The following ERBB4 variants were observed in gnomAD, a reference collection of about 807,000 sequenced individuals.
ERBB4 encodes the protein receptor tyrosine-protein kinase erbB-4.
A neutral mutation model predicts 158.0 loss-of-function variants in ERBB4; 42 were observed. The ratio of observed to expected loss-of-function variants is 0.27; its 90% CI spans 0.21 to 0.34. The LOEUF is 0.34. Among genes scored for constraint, ERBB4 ranks in the 10% least tolerant of loss-of-function variants. The probability of loss-of-function intolerance (pLI) is 1.00; values close to 1 mark genes in which losing one functional copy is unlikely to be tolerated. For synonymous variants in ERBB4, 583 were observed against 558.7 expected, an observed-to-expected ratio of 1.04 and a Z score of -0.61; for missense variants, 1,333 against 1,624.1, an observed-to-expected ratio of 0.82 and a Z score of 3.08.
At chr2:212,320,173 A>C (rs1018502590) in intron 1 of ERBB4, among the ~76,000 whole-genome samples, 1 of 148,244 alleles carries the variant, frequency 6.7e-6, no homozygotes, top group African/African-American at 2.5e-5. Context: ...TGACTGGGTA[A>C]ATCTACCAGG....
At chr2:212,228,767 C>T (rs184533119) in intron 1 of ERBB4, among the ~76,000 whole-genome samples, 19 of 152,312 alleles carry the variant, frequency 1.2e-4, no homozygotes, top group African/African-American at 3.8e-4. Context: ...ACAAACAAAA[C>T]GTCACATAAT....
intron 15 of ERBB4, among the ~76,000 whole-genome samples, chr2:211,658,629 A>T (rs1343953705): frequency 6.6e-6 from 1 of 152,190 alleles, no homozygotes; most frequent in Non-Finnish European, 1.5e-5. Flanking sequence ...TTCTCTTGAC[A>T]CTGTCTTTTA....
At chr2:212,470,807 A>G (rs1166344020) in intron 1 of ERBB4, among the ~76,000 whole-genome samples, 8 of 152,068 alleles carry the variant, frequency 5.3e-5, no homozygotes, top group Non-Finnish European at 2.9e-5. Flanking sequence ...ATCTCAATGT[A>G]TTTCTTTTTT....
chr2:211,541,820 C>A (rs574902706), intron 20 of ERBB4, among the ~76,000 whole-genome samples: 3 of 151,980 alleles, frequency 2.0e-5, no homozygotes, highest in African/African-American at 7.2e-5. Context: ...TACTATGTAA[C>A]GAGCTCTGTG....
At chr2:212,466,450 G>A (rs1053854116) in intron 1 of ERBB4, among the ~76,000 whole-genome samples, 4 of 152,152 alleles carry the variant, frequency 2.6e-5, no homozygotes, top group Admixed American at 6.5e-5. Context: ...ACTGAATCAC[G>A]GGAGTGGGTC....
At chr2:211,822,821 T>C (rs950008831) in intron 3 of ERBB4, among the ~76,000 whole-genome samples, 6 of 152,074 alleles carry the variant, frequency 3.9e-5, no homozygotes, top group Non-Finnish European at 5.9e-5. Context: ...TGTCATGGCT[T>C]CTCTGTAGCA....
intron 24 of ERBB4, among the ~76,000 whole-genome samples, chr2:211,421,150 C>T (rs973087561): frequency 6.6e-6 from 1 of 151,918 alleles, no homozygotes; most frequent in Non-Finnish European, 1.5e-5. Context: ...CTTTGTTATG[C>T]TCTTCCTCAC....
intron 3 of ERBB4, among the ~76,000 whole-genome samples, chr2:211,789,936 C>G (rs13034675): frequency 0.26 from 38,948 of 151,904 alleles, 5,654 homozygotes; most frequent in Middle Eastern, 0.36. Context: ...TAAAATCACT[C>G]CCATTTTCAT....
chr2:212,073,814 T>A (rs1279358326), intron 2 of ERBB4, among the ~76,000 whole-genome samples: 1 of 118,704 alleles, frequency 8.4e-6, no homozygotes, highest in African/African-American at 3.8e-5. Flanking sequence ...GCATGATTAT[T>A]TTTTTACATT....
At chr2:211,657,692 T>C in intron 16 of ERBB4, 62 bp downstream of exon 16, 1 of 1,282,274 alleles carries the variant, frequency 7.8e-7, no homozygotes, top group Non-Finnish European at 1.1e-6. Context: ...TGGTTAGTAC[T>C]TTTTGTTCAT....
chr2:212,443,078 C>A (rs1300792012), intron 1 of ERBB4, among the ~76,000 whole-genome samples: 1 of 152,234 alleles, frequency 6.6e-6, no homozygotes, highest in Non-Finnish European at 1.5e-5. Context: ...CAGCCATTGA[C>A]TTGGCAAATG....
At chr2:211,953,437 TC>T (rs1443763619) in intron 2 of ERBB4, among the ~76,000 whole-genome samples, 1 of 145,960 alleles carries the variant, frequency 6.9e-6, no homozygotes, top group Non-Finnish European at 1.5e-5. Flanking sequence ...ACTGGCGATG[TC>T]TTTGATATTA....
intron 3 of ERBB4, among the ~76,000 whole-genome samples, chr2:211,890,388 A>C (rs2078930998): frequency 6.7e-6 from 1 of 148,152 alleles, no homozygotes; most frequent in South Asian, 2.2e-4. Flanking sequence ...CCTGCCCTAA[A>C]AGAGCTCCTG....
intron 19 of ERBB4, among the ~76,000 whole-genome samples, chr2:211,580,171 C>A (rs2068023409): frequency 6.6e-6 from 1 of 152,062 alleles, no homozygotes; most frequent in South Asian, 2.1e-4. Flanking sequence ...GCATATCATA[C>A]AGAGGTATTA....
chr2:212,383,394 T>G (rs1181635126), intron 1 of ERBB4, among the ~76,000 whole-genome samples: 2 of 151,516 alleles, frequency 1.3e-5, no homozygotes, highest in East Asian at 3.9e-4. Context: ...TCTTAGAAGT[T>G]TCCACTTATC....
At chr2:211,717,275 T>G (rs2073949801) in intron 7 of ERBB4, among the ~76,000 whole-genome samples, 1 of 152,216 alleles carries the variant, frequency 6.6e-6, no homozygotes, top group African/African-American at 2.4e-5. Context: ...TTTGTAAGGA[T>G]GGTACATGGT....
chr2:212,360,851 T>C (rs774684594), intron 1 of ERBB4, among the ~76,000 whole-genome samples: 25 of 151,684 alleles, frequency 1.6e-4, no homozygotes, highest in Non-Finnish European at 3.4e-4. Flanking sequence ...TACTTAACTA[T>C]TTGTGAGTTA....
intron 2 of ERBB4, among the ~76,000 whole-genome samples, chr2:212,023,513 A>AT (rs2076703068): frequency 3.8e-5 from 1 of 26,534 alleles, no homozygotes; most frequent in Non-Finnish European, 1.0e-3. Context: ...TATACAAGTT[A>AT]ATTTTTTAAA....
intron 1 of ERBB4, among the ~76,000 whole-genome samples, chr2:212,314,380 C>T (rs1167714726): frequency 6.7e-6 from 1 of 149,694 alleles, no homozygotes; most frequent in African/African-American, 2.5e-5. Context: ...GAGTTAACAG[C>T]ATCCCAAAGT....
Sources: allele counts gnomAD v4.1 joint callset (sites outside exome capture counted in the v4.1 genomes callset), GRCh38; gene constraint gnomAD v4.1.1; transcripts MANE v1.5; gene names NCBI Gene and HGNC (gene_info 2026-07-23, HGNC 2026-07-21).